DGKI: variants seen among roughly 807,000 people sequenced by gnomAD.
DGKI encodes the protein diacylglycerol kinase iota.
DGKI carries 55 observed loss-of-function variants against 147.5 expected under a neutral mutation model. That is an observed-to-expected ratio of 0.37 (90% CI 0.30 to 0.47). The LOEUF is 0.47. DGKI is among the 20% of genes least tolerant of loss of function. The pLI, the probability that DGKI is intolerant of heterozygous loss-of-function variation, is 1.00. For missense variants in DGKI, 1,007 were observed against 1,323.8 expected, an observed-to-expected ratio of 0.76 and a Z score of 3.71; for synonymous variants, 469 against 477.1, an observed-to-expected ratio of 0.98 and a Z score of 0.22.
intron 28 of DGKI, among the ~76,000 whole-genome samples, chr7:137,414,634 T>C (rs1041730645): frequency 2.0e-5 from 3 of 151,992 alleles, no homozygotes; most frequent in Admixed American, 2.0e-4. Flanking sequence ...TCTGGAGGTA[T>C]AGAGGCCCAA....
At chr7:137,544,610 G>A (rs779503984) in intron 20 of DGKI, among the ~76,000 whole-genome samples, 13 of 152,078 alleles carry the variant, frequency 8.5e-5, no homozygotes, top group Non-Finnish European at 1.9e-4. Context: ...CTGAACTTTA[G>A]GAATTGCTTT....
chr7:137,412,711 G>C (rs1170113477), intron 28 of DGKI, among the ~76,000 whole-genome samples: 1 of 152,098 alleles, frequency 6.6e-6, no homozygotes, highest in African/African-American at 2.4e-5. Flanking sequence ...GCAATCACCA[G>C]TCTTTTTGTG....
rs1811416265 is a variant in DGKI, at chr7:137,392,854, A to AG, written c.3058-1519_3058-1518insC. ...CTCAGGATGCTGCTTCTCTCCAAAA[A>AG]ATTCCAGGAGAAGATTCAGTTGTAA... On this transcript the variant is annotated intron_variant, in intron 32 of 32. Coordinates refer to ENST00000614521, the MANE Select transcript of DGKI (RefSeq NM_001321708.2). 5.9e-5 allele frequency among the ~76,000 whole-genome samples: 9 copies of AG among 151,964 alleles called. 1 individual carries two copies. The highest frequency in any genetic ancestry group is 2.0e-4 in the Admixed American group (3 of 15,232).
At chr7:137,711,191 C>T (rs1794199695) in intron 1 of DGKI, among the ~76,000 whole-genome samples, 1 of 152,144 alleles carries the variant, frequency 6.6e-6, no homozygotes, top group African/African-American at 2.4e-5. Context: ...TGGAAAACAG[C>T]TTGCTGTTCT....
Position 137,444,100 on chromosome 7 carries a change from G to T in DGKI, c.2738C>A (p.Ser913Ter). The T allele has an allele frequency of 6.7e-7, 1 of 1,498,674 alleles. No homozygotes were observed. Among genetic ancestry groups the T allele is most frequent in the Non-Finnish European group, 9.1e-7 (1 of 1,099,344 alleles). The allele number at this position is 1,498,674 out of a possible 1,614,324, so 92.8% of individuals were successfully genotyped here. ...KDLSHSRVLQSPVSSEDHAIL... is the reference protein window; with the variant it reads ...KDLSHSRVLQ ...ACCATGATCTTCTGAAGAGACTGGT[G>T]ACCTAAAAGGAAATAATAAGCATGA... Residue 913 changes from serine to a stop codon, truncating the protein, a stop_gained and splice_region_variant, in exon 28 of 33, where the codon TCA becomes TAA. Transcript: ENST00000614521. LOFTEE classifies it high-confidence loss of function.
In DGKI at chr7:137,399,515, T is replaced by A. The variant is rs536992746; in HGVS notation, c.2921-2102A>T. On this transcript the variant is annotated intron_variant, in intron 30 of 32. Coordinates refer to ENST00000614521, the MANE Select transcript of DGKI (RefSeq NM_001321708.2). ...CTTGGTTAAAAATCCCAGCTCTATA[T>A]AGACTAGGTCTTGGCCAAGTCTAAT... Among the ~76,000 whole-genome samples the A allele has an allele frequency of 7.2e-5, 11 of 152,310 alleles. 1 individual carries two copies. In the South Asian group the frequency reaches 2.1e-3, roughly 29 times the overall value.
At chr7:137,647,893 C>T (rs544830627) in intron 5 of DGKI, among the ~76,000 whole-genome samples, 2 of 152,324 alleles carry the variant, frequency 1.3e-5, no homozygotes, top group South Asian at 4.1e-4. Context: ...TGGTCAACAT[C>T]ATTCTCATTT....
chr7:137,482,864 T>G (rs926531956), intron 23 of DGKI, among the ~76,000 whole-genome samples: 7 of 152,010 alleles, frequency 4.6e-5, no homozygotes, highest in Non-Finnish European at 8.8e-5. Flanking sequence ...ATCACTCTTC[T>G]TGCGCCTTCC....
chr7:137,823,054 C>T (rs1451267390), intron 1 of DGKI, among the ~76,000 whole-genome samples: 2 of 149,876 alleles, frequency 1.3e-5, no homozygotes, highest in Non-Finnish European at 3.0e-5. Flanking sequence ...AATATTCTCC[C>T]CCAACCCAAA....
chr7:137,389,078 A>T lies in DGKI; in HGVS notation c.*2142T>A, dbSNP rs1197477087. Reference sequence around the variant, plus strand: ...TTTGACTCAATCCAGGGAATGGAAGATGCCATTCAAAGCCAGATTCCAGTT... The same window carrying T: ...TTTGACTCAATCCAGGGAATGGAAGTTGCCATTCAAAGCCAGATTCCAGTT... On this transcript the variant is annotated 3_prime_UTR_variant, in exon 33 of 33. Coordinates refer to ENST00000614521, the MANE Select transcript of DGKI (RefSeq NM_001321708.2). The T allele has an allele frequency of 1.3e-5, 2 of 152,204 alleles. No homozygotes were observed. Among genetic ancestry groups the T allele is most frequent in the African/African-American group, 4.8e-5 (2 of 41,448 alleles). 9.4% of individuals were successfully genotyped at this position (152,204 alleles called of 1,614,324 possible).
chr7:137,491,145 C>A (rs192185598), intron 21 of DGKI, among the ~76,000 whole-genome samples: 1 of 152,192 alleles, frequency 6.6e-6, no homozygotes, highest in East Asian at 1.9e-4. Context: ...ACTGCAAAAC[C>A]CTCAAAAGGC....
At chr7:137,551,202 C>T (rs1027215094) in intron 20 of DGKI, among the ~76,000 whole-genome samples, 6 of 151,784 alleles carry the variant, frequency 4.0e-5, no homozygotes, top group African/African-American at 1.5e-4. Flanking sequence ...GATTTTTTAC[C>T]CCAGCTTCAA....
chr7:137,404,017 T>A (rs1811853657), intron 30 of DGKI, among the ~76,000 whole-genome samples: 1 of 152,126 alleles, frequency 6.6e-6, no homozygotes, highest in Non-Finnish European at 1.5e-5. Context: ...TATTCCAGAG[T>A]TATCATCATT....
intron 13 of DGKI, 85 bp from the exon 14 acceptor site, chr7:137,585,431 C>T (rs1396546042): frequency 1.2e-5 from 18 of 1,476,730 alleles, no homozygotes; most frequent in East Asian, 2.3e-5. Flanking sequence ...AGAGCCAAGC[C>T]GTTATATTGT....
intron 19 of DGKI, among the ~76,000 whole-genome samples, chr7:137,557,123 C>A (rs1473704874): frequency 2.6e-5 from 4 of 152,150 alleles, no homozygotes; most frequent in Non-Finnish European, 5.9e-5. Context: ...GACTTGCCAG[C>A]CTCCAATTCA....
chr7:137,588,828 AT>A (rs1366661380), intron 12 of DGKI, among the ~76,000 whole-genome samples: 1 of 152,176 alleles, frequency 6.6e-6, no homozygotes, highest in African/African-American at 2.4e-5. Flanking sequence ...TTAATGAATT[AT>A]TGTATTAAAC....
rs182178091 is a variant in DGKI at position 137,700,507 on chromosome 7, A to G, written c.402-10505T>C. ...CATTTCTTATTTTTCAAATTTTAAAATCACTTTTGCAACTCTACCAAATTC... is the reference window on the plus strand; with the variant it reads ...CATTTCTTATTTTTCAAATTTTAAAGTCACTTTTGCAACTCTACCAAATTC... On this transcript the variant is annotated intron_variant, in intron 1 of 32. Coordinates refer to ENST00000614521, the MANE Select transcript of DGKI (RefSeq NM_001321708.2). Among the ~76,000 whole-genome samples, 117 of 152,328 alleles carry G rather than the reference A, an allele frequency of 7.7e-4. No individual in the cohort carries two copies. In the Middle Eastern group the frequency reaches 0.027, roughly 35 times the overall value.
At chr7:137,764,456 C>T (rs74555309) in intron 1 of DGKI, among the ~76,000 whole-genome samples, 2,164 of 152,264 alleles carry the variant, frequency 0.014, 45 homozygotes, top group African/African-American at 0.05. Flanking sequence ...CATAGCATCC[C>T]TTGTAGCAGT....
intron 32 of DGKI, among the ~76,000 whole-genome samples, chr7:137,392,841 C>T (rs1229247807): frequency 8.5e-6 from 1 of 117,302 alleles, no homozygotes; most frequent in Non-Finnish European, 1.9e-5. Flanking sequence ...CAGGATGCTG[C>T]TTCTCTCCAA....
Sources: allele counts gnomAD v4.1 joint callset (sites outside exome capture counted in the v4.1 genomes callset), GRCh38; gene constraint gnomAD v4.1.1; transcripts MANE v1.5; gene names NCBI Gene and HGNC (gene_info 2026-07-23, HGNC 2026-07-21).